Variants in ACTR3B observed in about 807,000 individuals in gnomAD.
The protein encoded by ACTR3B is actin related protein 3B.
ACTR3B carries 8 observed loss-of-function variants against 59.0 expected under a neutral mutation model. The observed-to-expected ratio is 0.14, with a 90% CI of 0.08 to 0.24. The LOEUF (loss-of-function observed/expected upper bound fraction) is 0.24. ACTR3B is among the 10% of genes least tolerant of loss of function. The pLI is 1.00. For missense variants in ACTR3B, 245 were observed against 552.3 expected (o/e 0.44, Z 5.58); for synonymous variants, 148 against 197.9 (o/e 0.75, Z 2.12).
At chr7:152,846,429 C>CG (rs1798293672) in intron 9 of ACTR3B, among the ~76,000 whole-genome samples, 2 of 129,262 alleles carry the variant, frequency 1.5e-5, no homozygotes, top group African/African-American at 3.0e-5. Context: ...CTCTAGTGTC[C>CG]GGGCTGTAGT....
chr7:152,852,562 G>T (rs1441373894), intron 10 of ACTR3B, among the ~76,000 whole-genome samples: 1 of 152,194 alleles, frequency 6.6e-6, no homozygotes, highest in Admixed American at 6.5e-5. Context: ...AGTGTCCCAA[G>T]GAGATGGGAC....
chr7:152,761,275 T>C (rs763903100), intron 1 of ACTR3B, among the ~76,000 whole-genome samples: 2 of 152,148 alleles, frequency 1.3e-5, no homozygotes, highest in Non-Finnish European at 2.9e-5. Flanking sequence ...CCTTAACTCA[T>C]GCCCTCCCCC....
intron 2 of ACTR3B, among the ~76,000 whole-genome samples, chr7:152,785,451 AGAG>A (rs2098169898): frequency 1.2e-3 from 1 of 802 alleles, no homozygotes; most frequent in African/African-American, 5.7e-3. Context: ...GGGAGGGGGG[AGAG>A]GGGGGAGGGG....
intron 9 of ACTR3B, among the ~76,000 whole-genome samples, chr7:152,831,590 C>A (rs1797035968): frequency 6.6e-6 from 1 of 152,230 alleles, no homozygotes; most frequent in Non-Finnish European, 1.5e-5. Flanking sequence ...GATGGCCGTC[C>A]TACAGGACGA....
At chr7:152,829,055 T>TAC (rs1343608267) in intron 9 of ACTR3B, among the ~76,000 whole-genome samples, 6 of 144,906 alleles carry the variant, frequency 4.1e-5, no homozygotes, top group African/African-American at 1.4e-4. Context: ...TATATATATA[T>TAC]ATACACACAC....
intron 2 of ACTR3B, among the ~76,000 whole-genome samples, chr7:152,798,687 T>G (rs1373607190): frequency 6.6e-6 from 1 of 152,216 alleles, no homozygotes; most frequent in Non-Finnish European, 1.5e-5. Context: ...TTTAATCCAT[T>G]TTGAGTTAAT....
chr7:152,789,023 A>AAACAACAACAACAACAAC (rs71182042), intron 2 of ACTR3B, among the ~76,000 whole-genome samples: 7 of 146,444 alleles, frequency 4.8e-5, no homozygotes, highest in African/African-American at 1.9e-4. Flanking sequence ...CGCTGTCTCA[A>AAACAACAACAACAACAAC]AACAACAACA....
At chr7:152,832,910 C>G (rs1392257564) in intron 9 of ACTR3B, among the ~76,000 whole-genome samples, 1 of 152,232 alleles carries the variant, frequency 6.6e-6, no homozygotes, top group Non-Finnish European at 1.5e-5. Context: ...AACACCCTCA[C>G]AGCAACACCT....
At chr7:152,821,260 C>T (rs528373167) in intron 7 of ACTR3B, among the ~76,000 whole-genome samples, 2 of 152,106 alleles carry the variant, frequency 1.3e-5, no homozygotes, top group Non-Finnish European at 2.9e-5. Context: ...CCTTTCTTTG[C>T]CTTTCCTCCA....
chr7:152,810,998 C>A (rs1795188293), intron 4 of ACTR3B: 1 of 151,312 alleles, frequency 6.6e-6, no homozygotes, highest in South Asian at 2.1e-4. Context: ...TTTCACTTAA[C>A]AATTCATCAT....
Position 152,800,422 on chromosome 7 carries a change from G to A in ACTR3B, c.101-109G>A, listed in dbSNP as rs182642017. The A allele has an allele frequency of 1.3e-4, 176 of 1,390,292 alleles. No individual in the cohort carries two copies. In the African/African-American group the frequency reaches 2.3e-3, roughly 18 times the overall value. 86.1% of individuals were successfully genotyped at this position (1,390,292 alleles called of 1,614,324 possible). ...GTGAGCACCCTTCACCCCACATGGA[G>A]CCCTAACAATGAAAATTTACTTGTG... is the stretch of plus-strand genomic sequence containing the variant. On this transcript the variant is annotated intron_variant, in intron 2 of 11. Transcript: ENST00000256001.
At chr7:152,789,050 C>CAACAAA (rs1554435493) in intron 2 of ACTR3B, among the ~76,000 whole-genome samples, 3 of 78,238 alleles carry the variant, frequency 3.8e-5, no homozygotes, top group East Asian at 5.0e-4. Context: ...ACAACAACAA[C>CAACAAA]AAACAGCAAC....
intron 2 of ACTR3B, among the ~76,000 whole-genome samples, chr7:152,795,906 C>T (rs1160394132): frequency 4.0e-5 from 6 of 151,068 alleles, no homozygotes; most frequent in African/African-American, 9.8e-5. Flanking sequence ...TGCAGTGGCG[C>T]GATCTCGGCT....
rs150255013 is a variant in ACTR3B at position 152,853,588 on chromosome 7, C to T, written c.1161+11C>T. ...ATGCTGGCCTCGACTGTAAGTCCCT[C>T]TCTCGAGGGCTCTGTGTCTCCATTC... is the stretch of plus-strand genomic sequence containing the variant. On this transcript the variant is annotated intron_variant, in intron 11 of 11. Coordinates refer to ENST00000256001, the MANE Select transcript of ACTR3B (RefSeq NM_020445.6). 3.0e-3 allele frequency: 4,779 copies of T among 1,608,642 alleles called. 13 individuals are homozygous for T. The highest frequency in any genetic ancestry group is 3.2e-3 in the Non-Finnish European group (3,739 of 1,176,734).
chr7:152,782,342 G>T (rs1319568380), intron 1 of ACTR3B, among the ~76,000 whole-genome samples: 1 of 151,704 alleles, frequency 6.6e-6, no homozygotes, highest in African/African-American at 2.4e-5. Flanking sequence ...AAGCGCTGAT[G>T]AGTCTTCTCG....
intron 1 of ACTR3B, among the ~76,000 whole-genome samples, chr7:152,780,948 G>A (rs144080097): frequency 6.6e-6 from 1 of 150,648 alleles, no homozygotes; most frequent in Non-Finnish European, 1.5e-5. Flanking sequence ...TGGGCTTAAC[G>A]GGTCCTCTTG....
chr7:152,832,638 A>G (rs1797119856), intron 9 of ACTR3B, among the ~76,000 whole-genome samples: 1 of 152,186 alleles, frequency 6.6e-6, no homozygotes, highest in African/African-American at 2.4e-5. Context: ...CTGGAATTAC[A>G]GATGTGAGCC....
intron 9 of ACTR3B, among the ~76,000 whole-genome samples, chr7:152,825,792 G>A (rs1451211062): frequency 6.6e-6 from 1 of 152,040 alleles, no homozygotes; most frequent in Non-Finnish European, 1.5e-5. Context: ...GTGCCAATGT[G>A]GTGTCATCAC....
At chr7:152,777,731 G>A (rs1204696112) in intron 1 of ACTR3B, among the ~76,000 whole-genome samples, 2 of 152,098 alleles carry the variant, frequency 1.3e-5, no homozygotes, top group Admixed American at 6.6e-5. Flanking sequence ...GAGGTGGATC[G>A]CCTGAGGCCA....
Sources: allele counts gnomAD v4.1 joint callset (sites outside exome capture counted in the v4.1 genomes callset), GRCh38; gene constraint gnomAD v4.1.1; transcripts MANE v1.5; gene names NCBI Gene and HGNC (gene_info 2026-07-23, HGNC 2026-07-21).